The following NCKAP5 variants were observed in gnomAD, a reference collection of about 807,000 sequenced individuals.
NCKAP5 encodes the protein nck-associated protein 5.
A neutral mutation model predicts 167.0 loss-of-function variants in NCKAP5; 92 were observed. The observed-to-expected ratio is 0.55, with a 90% CI of 0.47 to 0.66. The LOEUF (loss-of-function observed/expected upper bound fraction) is 0.66. Ranked by LOEUF, NCKAP5 falls within the 30% of genes least tolerant of loss-of-function variation. NCKAP5 has a pLI of 0.00. For synonymous variants in NCKAP5, 891 were observed against 877.4 expected (o/e 1.02, Z -0.27); for missense variants, 2,378 against 2,315.0 (o/e 1.03, Z -0.56).
Position 132,783,617 on chromosome 2 carries a change from G to C in NCKAP5, c.3194C>G (p.Thr1065Ser). Residue 1065 changes from threonine to serine, a missense_variant, in exon 14 of 20, where the codon ACT (threonine) becomes AGT (serine). Physicochemically the swap from Thr to Ser is moderately conservative, Grantham distance 58. Around this residue, in one of 3 missense-constraint regions of NCKAP5, gnomAD observed 1,325 missense variants for 1,274.5 expected, o/e 1.04. Transcript: ENST00000409261. ...ATGGGTTGAAGGAGAGATCCTGGGA[G>C]TCTGTAATCCTATGTCCCTTTGTGG... ...GTPQRDIGLQ[T>S]PRISPSTHEP... The C allele has an allele frequency of 6.2e-7, 1 of 1,613,958 alleles. No homozygotes were observed. The highest frequency in any genetic ancestry group is 8.5e-7 in the Non-Finnish European group (1 of 1,179,896).
chr2:133,538,931 G>GGTT (rs199533536), intron 2 of NCKAP5, among the ~76,000 whole-genome samples: 2 of 108,550 alleles, frequency 1.8e-5, no homozygotes, highest in Admixed American at 9.8e-5. Context: ...GTTTTTTTGG[G>GGTT]TTTTTTTTTT....
chr2:133,428,341 A>T (rs1051781572), intron 3 of NCKAP5, among the ~76,000 whole-genome samples: 6 of 152,140 alleles, frequency 3.9e-5, no homozygotes. Flanking sequence ...ATTTTGATAA[A>T]ACTAATATTT....
intron 7 of NCKAP5, among the ~76,000 whole-genome samples, chr2:132,982,601 C>T (rs1167662675): frequency 7.9e-5 from 12 of 152,206 alleles, no homozygotes; most frequent in Admixed American, 7.9e-4. Flanking sequence ...AGGGGTATGA[C>T]TGATCCCATC....
the NCKAP5 span, among the ~76,000 whole-genome samples, chr2:133,643,206 T>C: frequency 6.6e-6 from 1 of 152,224 alleles, no homozygotes; most frequent in Non-Finnish European, 1.5e-5. Context: ...ATACATATTT[T>C]ATTGACCTAG....
intron 3 of NCKAP5, among the ~76,000 whole-genome samples, chr2:133,445,387 A>G (rs1821626): frequency 0.11 from 16,994 of 152,206 alleles, 1,015 homozygotes; most frequent in Middle Eastern, 0.19. Context: ...AAGACTTCCC[A>G]TATATATTTG....
intron 11 of NCKAP5, among the ~76,000 whole-genome samples, chr2:132,834,373 C>T (rs1687732438): frequency 6.6e-6 from 1 of 152,044 alleles, no homozygotes; most frequent in South Asian, 2.1e-4. Flanking sequence ...GAGATGGAGT[C>T]TTGCTCTGTC....
chr2:133,569,582 G>T (rs1477040294), upstream of NCKAP5, among the ~76,000 whole-genome samples: 1 of 152,132 alleles, frequency 6.6e-6, no homozygotes, highest in South Asian at 2.1e-4. Context: ...GTGGGAGGTG[G>T]GGGGTGAGCA....
rs1475597759 is a variant in NCKAP5, at chr2:133,213,570, TC to T, written c.207+145del. ...TGGCAAATGGCAGAGCTGTATAAAT[TC>T]TATTATAAATACATCATTTGCCAAA... On this transcript the variant is annotated intron_variant, in intron 5 of 19. Coordinates refer to ENST00000409261, the MANE Select transcript of NCKAP5 (RefSeq NM_207363.3). 9 of 732,062 alleles carry T rather than the reference TC, an allele frequency of 1.2e-5. No individual in the cohort carries two copies. In the African/African-American group the frequency reaches 1.4e-4, roughly 12 times the overall value. The allele number at this position is 732,062 out of a possible 1,614,324, so 45.3% of individuals were successfully genotyped here. A position where few individuals can be genotyped will look rare whatever the true frequency, so the allele number is the denominator to read the frequency against.
chr2:132,676,271 T>C (rs565525154), intron 19 of NCKAP5, among the ~76,000 whole-genome samples: 21 of 149,638 alleles, frequency 1.4e-4, no homozygotes, highest in Non-Finnish European at 2.5e-4. Flanking sequence ...GAGCTAGGGA[T>C]GTTGTTTTAT....
rs141735960 is a variant in NCKAP5 at position 133,420,535 on chromosome 2, G to T, written c.69+96923C>A. 4.3e-3 allele frequency among the ~76,000 whole-genome samples: 651 copies of T among 152,312 alleles called. 4 individuals are homozygous for T. The highest frequency in any genetic ancestry group is 0.017 in the Middle Eastern group (5 of 294). ...AAAACAACCTAAACTGGATTGTGGT[G>T]ATGGGTGCACAACTCTGAGAATAGT... On this transcript the variant is annotated intron_variant, in intron 3 of 19. Transcript: ENST00000409261.
At chr2:133,665,342 AC>A in the NCKAP5 span, among the ~76,000 whole-genome samples, 1 of 152,182 alleles carries the variant, frequency 6.6e-6, no homozygotes, top group Non-Finnish European at 1.5e-5. Context: ...TGAACACTTT[AC>A]AGCCATTGTA....
At chr2:133,524,096 G>T (rs1199794343) in intron 2 of NCKAP5, among the ~76,000 whole-genome samples, 1 of 152,140 alleles carries the variant, frequency 6.6e-6, no homozygotes, top group African/African-American at 2.4e-5. Context: ...CCCATCCCTA[G>T]ATGGAATAAA....
intron 3 of NCKAP5, among the ~76,000 whole-genome samples, chr2:133,446,845 G>A (rs147078344): frequency 1.3e-5 from 2 of 152,268 alleles, no homozygotes; most frequent in African/African-American, 4.8e-5. Context: ...AGGGGAAAGG[G>A]AGAAAGGATG....
chr2:133,033,628 A>T (rs2078951403), intron 6 of NCKAP5, among the ~76,000 whole-genome samples: 4 of 152,212 alleles, frequency 2.6e-5, no homozygotes, highest in Admixed American at 6.5e-5. Context: ...ACATATAAGC[A>T]ATTCAGAATT....
intron 2 of NCKAP5, among the ~76,000 whole-genome samples, chr2:133,517,892 T>A (rs2151440435): frequency 6.6e-6 from 1 of 152,226 alleles, no homozygotes; most frequent in South Asian, 2.1e-4. Context: ...TCCACACCCG[T>A]CCTCTCTCTA....
chr2:133,001,737 C>T (rs899200456), intron 6 of NCKAP5, among the ~76,000 whole-genome samples: 2 of 152,086 alleles, frequency 1.3e-5, no homozygotes, highest in Non-Finnish European at 2.9e-5. Flanking sequence ...ACTGTTATCA[C>T]GTGGTAACAT....
At chr2:132,806,980 G>A (rs1471900862) in intron 11 of NCKAP5, among the ~76,000 whole-genome samples, 5 of 152,192 alleles carry the variant, frequency 3.3e-5, no homozygotes, top group Admixed American at 6.5e-5. Flanking sequence ...CATGCGGCTA[G>A]CCAATTATCC....
At chr2:133,533,993 T>C (rs1435128631) in intron 2 of NCKAP5, among the ~76,000 whole-genome samples, 4 of 152,196 alleles carry the variant, frequency 2.6e-5, no homozygotes, top group African/African-American at 9.6e-5. Context: ...AGGTCACATA[T>C]GGATATTTTG....
At chr2:133,033,917 G>A (rs1010674065) in intron 6 of NCKAP5, among the ~76,000 whole-genome samples, 1 of 152,060 alleles carries the variant, frequency 6.6e-6, no homozygotes, top group Non-Finnish European at 1.5e-5. Flanking sequence ...TGGCCTTAAA[G>A]AAGAGGTAGA....
Sources: allele counts gnomAD v4.1 joint callset (sites outside exome capture counted in the v4.1 genomes callset), GRCh38; gene constraint gnomAD v4.1.1; regional missense constraint gnomAD v4.1.1; transcripts MANE v1.5; gene names NCBI Gene and HGNC (gene_info 2026-07-23, HGNC 2026-07-21).